Variants in PCDH9 observed in about 807,000 individuals in gnomAD.
The protein encoded by PCDH9 is protocadherin 9, also known as protocadherin-9.
In PCDH9, 24 loss-of-function variants were observed where a neutral mutation model predicts 70.6. The observed-to-expected ratio is 0.34, with a 90% CI of 0.25 to 0.48. The LOEUF (loss-of-function observed/expected upper bound fraction) is 0.48. PCDH9 is among the 20% of genes least tolerant of loss of function. PCDH9 has a pLI of 0.99. For synonymous variants in PCDH9, 562 were observed against 558.5 expected (o/e 1.01, Z -0.09); for missense variants, 1,281 against 1,503.6 (o/e 0.85, Z 2.45).
At chr13:66,902,840 T>C (rs2082299043) in intron 3 of PCDH9, among the ~76,000 whole-genome samples, 1 of 151,676 alleles carries the variant, frequency 6.6e-6, no homozygotes, top group African/African-American at 2.4e-5. Flanking sequence ...TGAAAGATAG[T>C]AGATTTCTAT....
At chr13:66,977,509 G>A (rs2083644909) in intron 2 of PCDH9, 1 of 152,012 alleles carries the variant, frequency 6.6e-6, no homozygotes, top group African/African-American at 2.4e-5. Context: ...TGTCTTAAAG[G>A]CTTTATTAAG....
chr13:66,385,108 C>T (rs558547990), intron 4 of PCDH9, among the ~76,000 whole-genome samples: 4 of 152,174 alleles, frequency 2.6e-5, no homozygotes, highest in Admixed American at 1.3e-4. Flanking sequence ...GGAGATCATG[C>T]AGTGTTTTCT....
At chr13:66,761,234 C>T (rs527498401) in intron 3 of PCDH9, among the ~76,000 whole-genome samples, 1 of 152,088 alleles carries the variant, frequency 6.6e-6, no homozygotes, top group African/African-American at 2.4e-5. Flanking sequence ...GATGTCACCC[C>T]CGGAAACCCA....
intron 2 of PCDH9, among the ~76,000 whole-genome samples, chr13:66,904,575 C>A (rs17081996): frequency 0.094 from 14,292 of 151,778 alleles, 2,097 homozygotes; most frequent in African/African-American, 0.32. Context: ...ATATATGCAT[C>A]GATTTCATTA....
intron 3 of PCDH9, among the ~76,000 whole-genome samples, chr13:66,698,030 G>A (rs1443493986): frequency 1.3e-5 from 2 of 152,114 alleles, no homozygotes; most frequent in Non-Finnish European, 2.9e-5. Context: ...GACATGAAAG[G>A]ATAAATGCTG....
At chr13:67,160,396 A>T (rs2087923282) in intron 2 of PCDH9, among the ~76,000 whole-genome samples, 1 of 152,016 alleles carries the variant, frequency 6.6e-6, no homozygotes, top group South Asian at 2.1e-4. Context: ...ATACAAAAAA[A>T]ATTAGCCGGG....
At chr13:66,517,816 A>G (rs948795657) in intron 4 of PCDH9, among the ~76,000 whole-genome samples, 6 of 152,160 alleles carry the variant, frequency 3.9e-5, no homozygotes, top group African/African-American at 1.4e-4. Context: ...ACATCTTTAA[A>G]ATTTTGTGCT....
intron 2 of PCDH9, among the ~76,000 whole-genome samples, chr13:66,924,055 G>A (rs1490465299): frequency 6.6e-6 from 1 of 151,750 alleles, no homozygotes; most frequent in Non-Finnish European, 1.5e-5. Flanking sequence ...CAGACGTAAA[G>A]CAAGAAGCAT....
chr13:67,093,854 T>C (rs1051292135), intron 2 of PCDH9, among the ~76,000 whole-genome samples: 2 of 152,168 alleles, frequency 1.3e-5, no homozygotes, highest in Non-Finnish European at 2.9e-5. Flanking sequence ...GTTCCAATAT[T>C]ATTTATCAAT....
intron 2 of PCDH9, among the ~76,000 whole-genome samples, chr13:66,937,662 T>G (rs1411922001): frequency 6.6e-6 from 1 of 152,182 alleles, no homozygotes; most frequent in Non-Finnish European, 1.5e-5. Flanking sequence ...GTATATGCAC[T>G]TGTAACAATG....
chr13:66,575,898 TC>T (rs1168590804), intron 4 of PCDH9, among the ~76,000 whole-genome samples: 1 of 152,084 alleles, frequency 6.6e-6, no homozygotes, highest in Admixed American at 6.6e-5. Flanking sequence ...CTCAGTACAA[TC>T]TTATAGATAG....
In PCDH9 at chr13:67,214,935, GATATATATATATATAT is replaced by G. The variant is rs66460017; in HGVS notation, c.3036+10454_3036+10469del. ...CTGAGTGTCTGGCTATTGCGAGCCA[GATATATATATATATAT>G]ATATATATATATATATATATATTCA... is the stretch of plus-strand genomic sequence containing the variant. On this transcript the variant is annotated intron_variant, in intron 2 of 4. Transcript: ENST00000377865. The G allele has an allele frequency of 9.1e-4, 81 of 89,290 alleles. 4 individuals are homozygous for G. Among genetic ancestry groups the G allele is most frequent in the African/African-American group, 2.8e-3 (64 of 22,506 alleles). 5.5% of individuals were successfully genotyped at this position (89,290 alleles called of 1,614,324 possible). A position where few individuals can be genotyped will look rare whatever the true frequency, so the allele number is the denominator to read the frequency against.
chr13:66,528,352 T>C (rs1187823956), intron 4 of PCDH9, among the ~76,000 whole-genome samples: 2 of 152,074 alleles, frequency 1.3e-5, no homozygotes, highest in Non-Finnish European at 1.5e-5. Flanking sequence ...AATTATCCTC[T>C]CTTCAGATGC....
intron 4 of PCDH9, among the ~76,000 whole-genome samples, chr13:66,455,693 T>C (rs905568461): frequency 7.9e-5 from 12 of 152,264 alleles, no homozygotes; most frequent in African/African-American, 2.2e-4. Context: ...TGCTGAAAGA[T>C]AGTTTCTCTT....
chr13:67,189,145 TAC>T (rs773412648), intron 2 of PCDH9, among the ~76,000 whole-genome samples: 75 of 150,550 alleles, frequency 5.0e-4, no homozygotes, highest in Middle Eastern at 3.4e-3. Context: ...TATGAAGGAA[TAC>T]ACACACACAC....
intron 2 of PCDH9, among the ~76,000 whole-genome samples, chr13:67,105,001 T>C (rs1457953000): frequency 6.6e-6 from 1 of 152,198 alleles, no homozygotes; most frequent in African/African-American, 2.4e-5. Context: ...CATTGTACTC[T>C]TGAACTCAAA....
chr13:66,812,465 G>T (rs191370823), intron 3 of PCDH9, among the ~76,000 whole-genome samples: 1 of 152,022 alleles, frequency 6.6e-6, no homozygotes, highest in African/African-American at 2.4e-5. Context: ...TGTCAAACAC[G>T]CAAATTAATG....
chr13:66,911,703 C>T (rs557092643), intron 2 of PCDH9, among the ~76,000 whole-genome samples: 2 of 152,082 alleles, frequency 1.3e-5, no homozygotes, highest in Non-Finnish European at 2.9e-5. Flanking sequence ...AGCAATAATG[C>T]ATTGAAAGGT....
chr13:66,572,646 T>G (rs1310466850), intron 4 of PCDH9, among the ~76,000 whole-genome samples: 1 of 152,214 alleles, frequency 6.6e-6, no homozygotes, highest in Non-Finnish European at 1.5e-5. Flanking sequence ...GTATCTTGGC[T>G]ACTGTGAATG....
Sources: gnomAD v4.1 joint callset for allele counts (sites outside exome capture counted in the v4.1 genomes callset) on GRCh38, gnomAD v4.1.1 for gene constraint, MANE v1.5 for transcripts, NCBI Gene and HGNC (gene_info 2026-07-23, HGNC 2026-07-21) for gene names.